Variants in ADCY4 observed in about 807,000 individuals in gnomAD.
ADCY4 encodes the protein adenylate cyclase type 4.
ADCY4 carries 111 observed loss-of-function variants against 125.5 expected under a neutral mutation model. The ratio of observed to expected loss-of-function variants is 0.88; its 90% CI spans 0.76 to 1.04. ADCY4 has a LOEUF of 1.04. Ranked by LOEUF, ADCY4 falls within the 50% of genes least tolerant of loss-of-function variation. The pLI is 0.00. For synonymous variants in ADCY4, 576 were observed against 586.9 expected, an observed-to-expected ratio of 0.98 and a Z score of 0.27; for missense variants, 1,256 against 1,382.9, an observed-to-expected ratio of 0.91 and a Z score of 1.46.
At position 24,319,638 on chromosome 14, in the gene ADCY4, G is replaced by T; in HGVS notation, c.2733+104C>A. 2 of 1,449,684 alleles carry T rather than the reference G, an allele frequency of 1.4e-6. No homozygotes were observed. The highest frequency in any genetic ancestry group is 1.9e-6 in the Non-Finnish European group (2 of 1,043,064). The allele number at this position is 1,449,684 out of a possible 1,614,324, so 89.8% of individuals were successfully genotyped here. ...AGAGGAGGTGAGGGAGTACTGTGGA[G>T]GGGAGGATTGACTTCATGGCCAGAA... On this transcript the variant is annotated intron_variant, in intron 21 of 24. Coordinates refer to ENST00000418030, the MANE Select transcript of ADCY4 (RefSeq NM_001198568.2). The surrounding 1 kb of genome is among the most constrained non-coding windows in gnomAD (Gnocchi z 4.5).
Position 24,318,727 on chromosome 14 carries a change from T to A in ADCY4, c.3008A>T (p.Gln1003Leu). ...VAGVIGAQKP[Q>L]YDIWGNTVNV... Reference sequence around the variant, plus strand: ...CACTGTGTTGCCCCAAATGTCATATTGCGGCTTCTGGGCCCCAATAACTCC... The same window carrying A: ...CACTGTGTTGCCCCAAATGTCATATAGCGGCTTCTGGGCCCCAATAACTCC... The change falls in exon 24 of 25, where the codon CAA (glutamine) becomes CTA (leucine). Residue 1003 changes from glutamine (Q) to leucine (L), a missense_variant. Physicochemically the swap from Gln to Leu is moderately radical, Grantham distance 113. Coordinates refer to ENST00000418030, the MANE Select transcript of ADCY4 (RefSeq NM_001198568.2). 2 of 1,614,174 alleles carry A rather than the reference T, an allele frequency of 1.2e-6. No individual in the cohort carries two copies. Among genetic ancestry groups the A allele is most frequent in the Non-Finnish European group, 1.7e-6 (2 of 1,180,032 alleles).
Position 24,319,707 on chromosome 14 carries a change from G to T in ADCY4, c.2733+35C>A. On this transcript the variant is annotated intron_variant, in intron 21 of 24. Coordinates refer to ENST00000418030, the MANE Select transcript of ADCY4 (RefSeq NM_001198568.2). This position sits in a 1 kb window ranked among gnomAD's most constrained non-coding sequence, Gnocchi z 4.5. ...TACTGGTGGAAAATTCTAGAATCTA[G>T]GACATAGGGTCTGGGAGACTCTTGG... 6.2e-7 allele frequency: 1 copy of T among 1,613,352 alleles called. No individual in the cohort carries two copies. Among genetic ancestry groups the T allele is most frequent in the South Asian group, 1.1e-5 (1 of 91,032 alleles).
chr14:24,321,255 A>AT (rs561626514), intron 20 of ADCY4, among the ~76,000 whole-genome samples: 464 of 69,920 alleles, frequency 6.6e-3, no homozygotes, highest in Non-Finnish European at 9.2e-3. Context: ...TACTAAAAAA[A>AT]AAAAATATAA....
rs1594655359 is a variant in ADCY4 at position 24,324,518 on chromosome 14, G to A, written c.1824-127C>T. On this transcript the variant is annotated intron_variant, in intron 14 of 24. Coordinates refer to ENST00000418030, the MANE Select transcript of ADCY4 (RefSeq NM_001198568.2). The stretch of plus-strand genomic sequence containing the variant: ...GGGGAATCTGGGTTGGCTGGCGATG[G>A]GGTCCCGGCTGATAGAAGACATTGC... 17 of 1,069,836 alleles carry A rather than the reference G, an allele frequency of 1.6e-5. No homozygotes were observed. The East Asian group carries it at 2.6e-4, about 16-fold the overall frequency. 66.3% of individuals were successfully genotyped at this position (1,069,836 alleles called of 1,614,324 possible).
Position 24,322,195 on chromosome 14 carries a change from C to T in ADCY4, c.2457G>A (p.Leu819=). 2.5e-6 allele frequency: 4 copies of T among 1,613,946 alleles called. No individual in the cohort carries two copies. Among genetic ancestry groups the T allele is most frequent in the South Asian group, 1.1e-5 (1 of 91,060 alleles). ...QNEYYCRLDF[L]WKKKLRQERE... Reference sequence around the variant, plus strand: ...TCTCCTGCCTCAGCTTCTTCTTCCACAGGAAGTCCAGGCGGCAGTAGTACT... The same window carrying T: ...TCTCCTGCCTCAGCTTCTTCTTCCATAGGAAGTCCAGGCGGCAGTAGTACT... The change falls in exon 20 of 25, where the codon CTG becomes CTA. Residue 819 remains leucine (L), a synonymous_variant. Transcript: ENST00000418030.
chr14:24,318,887 G>GCCC, intron 23 of ADCY4, 109 bp from the exon 24 acceptor site: 3 of 1,514,962 alleles, frequency 2.0e-6, no homozygotes, highest in African/African-American at 1.4e-5. Flanking sequence ...GAGGAGAGGA[G>GCCC]GGGTCTCTAA....
chr14:24,326,614 T>A (rs867335754), intron 10 of ADCY4: 532 of 379,168 alleles, frequency 1.4e-3, no homozygotes, highest in Non-Finnish European at 2.2e-3. Flanking sequence ...TGTGTGTGTG[T>A]GACTGAATCT....
In ADCY4 at chr14:24,332,858, C is replaced by T; in HGVS notation, c.290G>A (p.Trp97Ter). Residue 97 changes from tryptophan to a stop codon, truncating the protein, a stop_gained, in exon 2 of 25, where the codon TGG becomes TAG. Coordinates refer to ENST00000418030, the MANE Select transcript of ADCY4 (RefSeq NM_001198568.2). LOFTEE classifies it high-confidence loss of function. ...GTGGCCTAGCGCTAGCAGCGCGACC[C>T]ATACCAAGCCGGACAGGGGACGCGT... is the stretch of plus-strand genomic sequence containing the variant. ...RWTRPLSGLV[W>*]VALLALGHAF... 6.2e-7 allele frequency: 1 copy of T among 1,602,260 alleles called. No homozygotes were observed. The highest frequency in any genetic ancestry group is 1.1e-5 in the South Asian group (1 of 90,462).
chr14:24,329,902 T>C lies in ADCY4; in HGVS notation c.1175A>G (p.Asp392Gly). 2 of 1,614,076 alleles carry C rather than the reference T, an allele frequency of 1.2e-6. No individual in the cohort carries two copies. The highest frequency in any genetic ancestry group is 1.7e-6 in the Non-Finnish European group (2 of 1,180,000). The change falls in exon 8 of 25, where the codon GAT (aspartate) becomes GGT (glycine). Residue 392 changes from aspartate (D) to glycine (G), a missense_variant. By Grantham distance (94) the Asp-to-Gly change is moderately conservative (BLOSUM62 -1). Coordinates refer to ENST00000418030, the MANE Select transcript of ADCY4 (RefSeq NM_001198568.2). ...CTCCATGTGGTTAGCCAGTGTGACA[T>C]CATGTGACCAAACGTCGTACTGCCA... ...QKWQYDVWSH[D>G]VTLANHMEAG...
chr14:24,331,372 A>G lies in ADCY4; in HGVS notation c.670-16T>C. 6.2e-7 allele frequency: 1 copy of G among 1,613,216 alleles called. No homozygotes were observed. Among genetic ancestry groups the G allele is most frequent in the Non-Finnish European group, 8.5e-7 (1 of 1,179,970 alleles). ...GAAGGTGTTCCTGGAAGAGGTCACC[A>G]TGAACACCAACTCTTCTGCACCCTA... On this transcript the variant is annotated splice_polypyrimidine_tract_variant and intron_variant, in intron 4 of 24. Transcript: ENST00000418030.
chr14:24,332,820 T>G lies in ADCY4; in HGVS notation c.328A>C (p.Thr110Pro). The stretch of plus-strand genomic sequence containing the variant: ...TCCCAGGCGCTCACCACGCCCCCGG[T>G]GAACAGGAAGGCGTGGCCTAGCGCT... ...LLALGHAFLF[T>P]GGVVSAWDQV... The change falls in exon 2 of 25, where the codon ACC becomes CCC. Residue 110 changes from threonine (T) to proline (P), a missense_variant. Thr to Pro is a conservative substitution (Grantham distance 38). Transcript: ENST00000418030. 6.4e-7 allele frequency: 1 copy of G among 1,573,838 alleles called. No homozygotes were observed. Among genetic ancestry groups the G allele is most frequent in the East Asian group, 2.3e-5 (1 of 43,468 alleles).
intron 11 of ADCY4, 26 bp downstream of exon 11, chr14:24,326,273 T>A: frequency 1.2e-6 from 2 of 1,613,946 alleles, no homozygotes; most frequent in Non-Finnish European, 1.7e-6. Flanking sequence ...ACAGCCCCAC[T>A]GGCAAAGACT....
intron 10 of ADCY4, among the ~76,000 whole-genome samples, chr14:24,328,191 A>G (rs528290426): frequency 7.5e-5 from 11 of 146,194 alleles, no homozygotes; most frequent in Admixed American, 1.4e-4. Context: ...AAAGGTGTCA[A>G]GAAACAACAC....
At chr14:24,320,563 C>T (rs2139192594) in intron 20 of ADCY4, among the ~76,000 whole-genome samples, 1 of 152,284 alleles carries the variant, frequency 6.6e-6, no homozygotes, top group Admixed American at 6.5e-5. Context: ...GAAAGAGCTC[C>T]TGAGCTGTTT....
chr14:24,322,449 C>A, intron 19 of ADCY4, 175 bp downstream of exon 19: 1 of 862,246 alleles, frequency 1.2e-6, no homozygotes, highest in Non-Finnish European at 1.8e-6. Flanking sequence ...ATGGGCTTTC[C>A]CAGATAGGGG....
intron 13 of ADCY4, 77 bp downstream of exon 13, chr14:24,325,741 C>A (rs2041931791): frequency 1.3e-6 from 2 of 1,522,824 alleles, no homozygotes; most frequent in Non-Finnish European, 1.8e-6. Flanking sequence ...GGGGAGGAGA[C>A]CCAAGGGCTG....
At chr14:24,321,092 CT>C (rs113506596) in intron 20 of ADCY4, among the ~76,000 whole-genome samples, 42,869 of 120,154 alleles carry the variant, frequency 0.36, 6,413 homozygotes, top group East Asian at 0.64. Flanking sequence ...AATTGCATTT[CT>C]TTTTTTTTTT....
chr14:24,321,869 G>A (rs2041856846), intron 20 of ADCY4, 197 bp downstream of exon 20: 1 of 1,330,318 alleles, frequency 7.5e-7, no homozygotes, highest in Non-Finnish European at 9.6e-7. Context: ...TGCCTTCCAA[G>A]TAAGAATTTG....
At chr14:24,328,178 G>A (rs2041978750) in intron 10 of ADCY4, among the ~76,000 whole-genome samples, 1 of 139,880 alleles carries the variant, frequency 7.1e-6, no homozygotes, top group African/African-American at 2.7e-5. Context: ...TCCAGCGGTA[G>A]CAAAAGGTGT....
Sources: gnomAD v4.1 joint callset for allele counts (sites outside exome capture counted in the v4.1 genomes callset) on GRCh38, gnomAD v4.1.1 for gene constraint, Gnocchi (gnomAD v3.1) non-coding constraint, MANE v1.5 for transcripts, NCBI Gene and HGNC (gene_info 2026-07-23, HGNC 2026-07-21) for gene names.